Variants in ICA1 observed in about 807,000 individuals in gnomAD.
ICA1 encodes islet cell autoantigen 1.
A neutral mutation model predicts 71.0 loss-of-function variants in ICA1; 40 were observed. That is an observed-to-expected ratio of 0.56 (90% CI 0.44 to 0.73). The LOEUF (loss-of-function observed/expected upper bound fraction) is 0.73, where lower values mean the gene tolerates loss of function less well. ICA1 is among the 30% of genes least tolerant of loss of function. ICA1 has a pLI of 0.00. For synonymous variants in ICA1, 207 were observed against 209.5 expected (o/e 0.99, Z 0.10); for missense variants, 578 against 576.5 (o/e 1.00, Z -0.03).
intron 8 of ICA1, among the ~76,000 whole-genome samples, chr7:8,148,477 C>A: frequency 6.6e-6 from 1 of 151,980 alleles, no homozygotes; most frequent in East Asian, 1.9e-4. Flanking sequence ...TGTTTTGGGT[C>A]TTTATTTAGA....
intron 6 of ICA1, among the ~76,000 whole-genome samples, chr7:8,176,804 A>C (rs1780773630): frequency 6.6e-6 from 1 of 152,176 alleles, no homozygotes; most frequent in African/African-American, 2.4e-5. Context: ...ACATATTCTC[A>C]TTTGACTTTC....
At chr7:8,170,742 T>C (rs1584860800) in intron 6 of ICA1, among the ~76,000 whole-genome samples, 2 of 152,170 alleles carry the variant, frequency 1.3e-5, no homozygotes, top group Admixed American at 1.3e-4. Flanking sequence ...TAAAAATTCA[T>C]GTGGATACAT....
intron 8 of ICA1, chr7:8,156,677 A>T: frequency 1.5e-6 from 1 of 675,760 alleles, no homozygotes; most frequent in Non-Finnish European, 2.3e-6. Flanking sequence ...TACATTTCAG[A>T]AGTAAGAGAG....
chr7:8,129,766 A>T (rs1275322357), intron 12 of ICA1, among the ~76,000 whole-genome samples: 1 of 151,972 alleles, frequency 6.6e-6, no homozygotes, highest in East Asian at 1.9e-4. Flanking sequence ...GGTTTGTTAC[A>T]TATGTATACA....
chr7:8,251,839 A>G (rs1808306050), intron 1 of ICA1, among the ~76,000 whole-genome samples: 1 of 152,228 alleles, frequency 6.6e-6, no homozygotes, highest in African/African-American at 2.4e-5. Flanking sequence ...TGTAAAACAA[A>G]TTAAAAACAA....
intron 6 of ICA1, among the ~76,000 whole-genome samples, chr7:8,210,341 T>C (rs896338349): frequency 2.0e-5 from 3 of 152,240 alleles, no homozygotes; most frequent in Admixed American, 2.0e-4. Flanking sequence ...GAAATGTGCT[T>C]AAATGTCTGT....
chr7:8,151,296 C>G (rs1003855287), intron 8 of ICA1, among the ~76,000 whole-genome samples: 3 of 152,230 alleles, frequency 2.0e-5, no homozygotes, highest in Non-Finnish European at 4.4e-5. Context: ...GAGCTACCAG[C>G]TGCCTGGGAG....
At chr7:8,235,888 G>A (rs2128471492) in intron 2 of ICA1, 22 bp downstream of exon 2, 1 of 1,611,382 alleles carries the variant, frequency 6.2e-7, no homozygotes, top group African/African-American at 1.3e-5. Context: ...TCCCAATTCA[G>A]AAAAGATGAC....
Position 8,144,044 on chromosome 7 carries a change from A to G in ICA1, c.805-72T>C. 1.1e-6 allele frequency: 1 copy of G among 884,880 alleles called. No individual in the cohort carries two copies. The highest frequency in any genetic ancestry group is 1.6e-5 in the South Asian group (1 of 62,590). 54.8% of individuals were successfully genotyped at this position (884,880 alleles called of 1,614,324 possible). On this transcript the variant is annotated intron_variant, in intron 8 of 13. Transcript: ENST00000402384. The surrounding 1 kb of genome is among the most constrained non-coding windows in gnomAD (Gnocchi z 4.5). The stretch of plus-strand genomic sequence containing the variant: ...GAAATAGAGACAAAAAAAAGAAAAG[A>G]AAGGTTATCAATTAAAAAATTCAAC...
chr7:8,152,900 TATCTCCTTCATCACCACTACCC>T (rs1800041999), intron 8 of ICA1, among the ~76,000 whole-genome samples: 2 of 16,820 alleles, frequency 1.2e-4, no homozygotes, highest in Admixed American at 4.7e-4. Flanking sequence ...CTACCACCAT[TATCTCCTTCATCACCACTACCC>T]CCACCACTAC....
intron 6 of ICA1, among the ~76,000 whole-genome samples, chr7:8,162,513 T>G (rs946908227): frequency 2.0e-5 from 3 of 152,172 alleles, no homozygotes; most frequent in African/African-American, 7.2e-5. Context: ...ACCAAGGACA[T>G]AGCCAAGCAT....
At chr7:8,159,290 C>G (rs1312439572) in intron 6 of ICA1, among the ~76,000 whole-genome samples, 1 of 152,232 alleles carries the variant, frequency 6.6e-6, no homozygotes, top group Non-Finnish European at 1.5e-5. Flanking sequence ...AATCCTCCAT[C>G]GATCCTTAAA....
rs1797336227 is a variant in ICA1, at chr7:8,222,242, G to C, written c.257-844C>G. ...AACACTCTCCTTATACTAGGAACTA[G>C]TTTAATAAAATACAGCATACCCACA... On this transcript the variant is annotated intron_variant, in intron 4 of 13. Coordinates refer to ENST00000402384, the MANE Select transcript of ICA1 (RefSeq NM_001136020.3). This position sits in a 1 kb window ranked among gnomAD's most constrained non-coding sequence, Gnocchi z 4.8. Among the ~76,000 whole-genome samples, 1 of 152,100 alleles carries C rather than the reference G, an allele frequency of 6.6e-6. No homozygotes were observed.
At chr7:8,171,614 G>C in intron 6 of ICA1, among the ~76,000 whole-genome samples, 1 of 151,546 alleles carries the variant, frequency 6.6e-6, no homozygotes, top group East Asian at 1.9e-4. Context: ...TCTGTTTATG[G>C]TTTCATTTGC....
At chr7:8,219,156 G>A (rs555855215) in intron 5 of ICA1, among the ~76,000 whole-genome samples, 59 of 152,274 alleles carry the variant, frequency 3.9e-4, no homozygotes, top group Non-Finnish European at 7.2e-4. Flanking sequence ...TTATTATAAT[G>A]TTGGCTATAA....
intron 1 of ICA1, among the ~76,000 whole-genome samples, chr7:8,252,324 C>G (rs1190491529): frequency 1.4e-4 from 21 of 152,200 alleles, no homozygotes; most frequent in Admixed American, 1.4e-3. Flanking sequence ...CCTTCGATGT[C>G]AGCACAGAAC....
At chr7:8,136,303 T>C (rs1793391141) in intron 12 of ICA1, among the ~76,000 whole-genome samples, 2 of 152,168 alleles carry the variant, frequency 1.3e-5, no homozygotes, top group Admixed American at 6.5e-5. Flanking sequence ...GTGCTAGAGC[T>C]TATCGTCCCC....
chr7:8,202,816 T>G (rs1312936359), intron 6 of ICA1, among the ~76,000 whole-genome samples: 1 of 152,154 alleles, frequency 6.6e-6, no homozygotes, highest in Non-Finnish European at 1.5e-5. Flanking sequence ...GCCTGCTCTG[T>G]CTTAGGCTGA....
intron 8 of ICA1, among the ~76,000 whole-genome samples, chr7:8,152,203 G>T (rs546148305): frequency 3.7e-4 from 57 of 152,100 alleles, no homozygotes; most frequent in African/African-American, 1.4e-3. Context: ...GTTACCCTGG[G>T]GTGAGATCTG....
Sources: allele counts gnomAD v4.1 joint callset (sites outside exome capture counted in the v4.1 genomes callset), GRCh38; gene constraint gnomAD v4.1.1; non-coding constraint Gnocchi (gnomAD v3.1); transcripts MANE v1.5; gene names NCBI Gene and HGNC (gene_info 2026-07-23, HGNC 2026-07-21).